AK9: variants seen among roughly 807,000 people sequenced by gnomAD.
AK9 encodes adenylate kinase domain containing 1.
Under a neutral mutation model 239.6 loss-of-function variants are expected in AK9, and 191 were observed. That is an observed-to-expected ratio of 0.80 (90% confidence interval 0.71 to 0.90). The LOEUF (loss-of-function observed/expected upper bound fraction) is 0.90, where lower values mean the gene tolerates loss of function less well. Among genes scored for constraint, AK9 ranks in the 40% least tolerant of loss-of-function variants. AK9 has a pLI of 0.00. For missense variants in AK9, 1,995 were observed against 2,214.7 expected (o/e 0.90, Z 1.99); for synonymous variants, 689 against 721.0 (o/e 0.96, Z 0.71).
chr6:109,553,926 A>G (rs1322982431), intron 24 of AK9, among the ~76,000 whole-genome samples: 3 of 152,158 alleles, frequency 2.0e-5, no homozygotes, highest in Non-Finnish European at 4.4e-5. Flanking sequence ...GTTAAATTTT[A>G]TCAAAGGCCT....
intron 9 of AK9, among the ~76,000 whole-genome samples, chr6:109,642,746 T>C (rs1374957524): frequency 6.6e-6 from 1 of 152,132 alleles, no homozygotes; most frequent in African/African-American, 2.4e-5. Flanking sequence ...TTTTTGCATT[T>C]ACTGAAAAAG....
intron 25 of AK9, among the ~76,000 whole-genome samples, chr6:109,546,729 T>C (rs1395118140): frequency 6.6e-6 from 1 of 152,186 alleles, no homozygotes; most frequent in South Asian, 2.1e-4. Context: ...CTGGAGTTTT[T>C]GCAAGGGGAA....
In AK9 at chr6:109,624,478, G is replaced by C. The variant is rs1795281729; in HGVS notation, c.1255-5242C>G. Among the ~76,000 whole-genome samples the C allele has an allele frequency of 1.3e-5, 2 of 152,138 alleles. 1 individual carries two copies. Among genetic ancestry groups the C allele is most frequent in the South Asian group, 4.1e-4 (2 of 4,828 alleles). On this transcript the variant is annotated intron_variant, in intron 12 of 40. Transcript: ENST00000424296. ...TTCTATTATTAGACTTCGTTTGCCT[G>C]AATATAAAATTCTAGGCTATCAGCC... is the stretch of plus-strand genomic sequence containing the variant.
intron 29 of AK9, chr6:109,528,686 CAT>C (rs1780829519): frequency 4.2e-6 from 2 of 476,054 alleles, no homozygotes; most frequent in African/African-American, 1.9e-5. Context: ...ACCAGGGTGA[CAT>C]GTGGTTGCAC....
At chr6:109,590,015 G>T (rs189442320) in intron 17 of AK9, among the ~76,000 whole-genome samples, 31 of 152,148 alleles carry the variant, frequency 2.0e-4, no homozygotes, top group African/African-American at 7.5e-4. Context: ...AGGAATAATG[G>T]TCTATAGCTT....
intron 33 of AK9, among the ~76,000 whole-genome samples, chr6:109,507,096 A>G (rs1008222624): frequency 3.3e-5 from 5 of 152,222 alleles, no homozygotes; most frequent in East Asian, 1.9e-4. Flanking sequence ...AATTTGACAG[A>G]TAACTCCCAC....
chr6:109,682,898 T>A (rs1772888788), intron 1 of AK9, among the ~76,000 whole-genome samples: 1 of 152,222 alleles, frequency 6.6e-6, no homozygotes, highest in Admixed American at 6.5e-5. Flanking sequence ...ACTCATTTTA[T>A]GAAGCCAGCA....
At chr6:109,649,121 C>A (rs990936333) in intron 8 of AK9, among the ~76,000 whole-genome samples, 2 of 152,044 alleles carry the variant, frequency 1.3e-5, no homozygotes, top group African/African-American at 4.8e-5. Flanking sequence ...TATGACAAAC[C>A]CACAGCGAAT....
intron 24 of AK9, among the ~76,000 whole-genome samples, chr6:109,558,756 CCAAA>C (rs143307330): frequency 0.02 from 3,064 of 152,136 alleles, 80 homozygotes; most frequent in East Asian, 0.11. Flanking sequence ...TAAGTTTCTA[CCAAA>C]CAGTCTGCTG....
At chr6:109,550,763 A>G (rs1286906326) in intron 24 of AK9, among the ~76,000 whole-genome samples, 1 of 152,246 alleles carries the variant, frequency 6.6e-6, no homozygotes, top group East Asian at 1.9e-4. Context: ...GAAATATCCT[A>G]TTTAGCTCAA....
At chr6:109,635,026 G>T (rs1796542202) in intron 10 of AK9, among the ~76,000 whole-genome samples, 1 of 152,178 alleles carries the variant, frequency 6.6e-6, no homozygotes, top group South Asian at 2.1e-4. Flanking sequence ...AAATGATCAG[G>T]ACTGGCTTCT....
intron 7 of AK9, among the ~76,000 whole-genome samples, chr6:109,658,050 C>A (rs996396664): frequency 6.6e-6 from 1 of 152,046 alleles, no homozygotes; most frequent in Non-Finnish European, 1.5e-5. Flanking sequence ...CTTGAATGTA[C>A]AATTATTTAA....
At chr6:109,564,921 C>A in intron 21 of AK9, 76 bp from the exon 22 acceptor site, 1 of 1,141,854 alleles carries the variant, frequency 8.8e-7, no homozygotes, top group Non-Finnish European at 1.2e-6. Flanking sequence ...GCACAAAGAA[C>A]ATTTCAAAAT....
At chr6:109,645,393 A>G (rs1387798803) in intron 8 of AK9, among the ~76,000 whole-genome samples, 1 of 152,208 alleles carries the variant, frequency 6.6e-6, no homozygotes, top group Non-Finnish European at 1.5e-5. Context: ...CAAATGGCAC[A>G]CCAGGAGATT....
chr6:109,636,828 A>C (rs1304547044), intron 10 of AK9, among the ~76,000 whole-genome samples: 1 of 150,230 alleles, frequency 6.7e-6, no homozygotes, highest in Non-Finnish European at 1.5e-5. Flanking sequence ...GGTTATCTCC[A>C]CCTTCTGGCT....
chr6:109,554,747 G>C (rs543345729), intron 24 of AK9, among the ~76,000 whole-genome samples: 1 of 152,032 alleles, frequency 6.6e-6, no homozygotes, highest in African/African-American at 2.4e-5. Flanking sequence ...AGCCAGGCTT[G>C]TCTCGAACTC....
At chr6:109,535,985 AC>A (rs2128139214) in intron 27 of AK9, among the ~76,000 whole-genome samples, 1 of 152,316 alleles carries the variant, frequency 6.6e-6, no homozygotes, top group African/African-American at 2.4e-5. Context: ...TGGTACCAGT[AC>A]CATGTTGTTT....
intron 23 of AK9, 31 bp downstream of exon 23, chr6:109,564,049 T>G: frequency 6.6e-7 from 1 of 1,524,666 alleles, no homozygotes; most frequent in Non-Finnish European, 8.8e-7. Context: ...CACCTGCTGT[T>G]GATAATAAAT....
intron 24 of AK9, among the ~76,000 whole-genome samples, chr6:109,559,040 G>C (rs983229818): frequency 6.6e-6 from 1 of 150,518 alleles, no homozygotes; most frequent in Admixed American, 6.6e-5. Flanking sequence ...TCAATAGAGA[G>C]GGGGGGTTCG....
Sources: allele counts gnomAD v4.1 joint callset (sites outside exome capture counted in the v4.1 genomes callset), GRCh38; gene constraint gnomAD v4.1.1; transcripts MANE v1.5; gene names NCBI Gene and HGNC (gene_info 2026-07-23, HGNC 2026-07-21).